KATNBL1: variants seen among roughly 807,000 people sequenced by gnomAD.
KATNBL1 encodes KATNB1-like protein 1.
In KATNBL1, 28 loss-of-function variants were observed where a neutral mutation model predicts 44.7. That is an observed-to-expected ratio of 0.63 (90% CI 0.46 to 0.86). The LOEUF (loss-of-function observed/expected upper bound fraction) is 0.86, where lower values mean the gene tolerates loss of function less well. Ranked by LOEUF, KATNBL1 falls within the 40% of genes least tolerant of loss-of-function variation. The probability of loss-of-function intolerance (pLI) is 0.00; values close to 1 mark genes in which losing one functional copy is unlikely to be tolerated. For synonymous variants in KATNBL1, 78 were observed against 114.9 expected (o/e 0.68, Z 2.06); for missense variants, 272 against 350.7 (o/e 0.78, Z 1.79).
At chr15:34,169,328 T>C (rs962444514) in intron 1 of KATNBL1, among the ~76,000 whole-genome samples, 3 of 152,136 alleles carry the variant, frequency 2.0e-5, no homozygotes, top group African/African-American at 7.2e-5. Flanking sequence ...GTAAATAAAC[T>C]AGAAAATCTA....
At position 34,152,957 on chromosome 15, in the gene KATNBL1, C is replaced by T. The variant is rs754168372; in HGVS notation, c.271G>A (p.Gly91Arg). 6 of 1,613,990 alleles carry T rather than the reference C, an allele frequency of 3.7e-6. No homozygotes were observed. Among genetic ancestry groups the T allele is most frequent in the African/African-American group, 2.7e-5 (2 of 74,930 alleles). Residue 91 changes from glycine (G) to arginine (R), a missense_variant, in exon 4 of 10, where the codon GGA becomes AGA. Gly to Arg is a moderately radical substitution (Grantham distance 125, BLOSUM62 -2). Around this residue, in one of 3 missense-constraint regions of KATNBL1, gnomAD observed 122 missense variants for 125.0 expected, o/e 0.98. Coordinates refer to ENST00000256544, the MANE Select transcript of KATNBL1 (RefSeq NM_024713.3). ...TTTGCCATGTCACAGCCCCCACTTC[C>T]AGGGGACTGTTTTTTTCTGTAACAA... ...NPCYRKKQSP[G>R]SGGCDMANKE...
In KATNBL1 at chr15:34,187,713, T is replaced by C. The variant is rs571552490; in HGVS notation, c.-15+22238A>G. Among the ~76,000 whole-genome samples, 7 of 152,284 alleles carry C rather than the reference T, an allele frequency of 4.6e-5. No homozygotes were observed. In the South Asian group the frequency reaches 1.5e-3, roughly 32 times the overall value. ...ATAGCCTCTCCTAAAATGGTTTTGT[T>C]GGAACCTATCATAAGGCCATTTCAG... On this transcript the variant is annotated intron_variant, in intron 1 of 9. Coordinates refer to ENST00000256544, the MANE Select transcript of KATNBL1 (RefSeq NM_024713.3).
intron 1 of KATNBL1, among the ~76,000 whole-genome samples, chr15:34,192,400 T>A (rs1345838040): frequency 1.7e-4 from 19 of 114,312 alleles, no homozygotes; most frequent in Non-Finnish European, 2.9e-4. Flanking sequence ...TGAGACTCCA[T>A]CTCAAAAAAA....
chr15:34,162,291 A>G (rs1888830343), intron 2 of KATNBL1, among the ~76,000 whole-genome samples: 1 of 152,158 alleles, frequency 6.6e-6, no homozygotes. Flanking sequence ...GTGGTAGTGA[A>G]TAAGTCTCAC....
chr15:34,172,253 A>ATTTT (rs1260376752), intron 1 of KATNBL1, among the ~76,000 whole-genome samples: 1 of 46,860 alleles, frequency 2.1e-5, no homozygotes, highest in Non-Finnish European at 4.6e-5. Context: ...GGAGGAACAT[A>ATTTT]TTCTTTTTTT....
At chr15:34,194,286 T>G (rs959927382) in intron 1 of KATNBL1, among the ~76,000 whole-genome samples, 2 of 152,064 alleles carry the variant, frequency 1.3e-5, no homozygotes, top group African/African-American at 4.8e-5. Flanking sequence ...TATTATATTT[T>G]CCTACATGTT....
At chr15:34,203,026 T>C (rs115206250) in intron 1 of KATNBL1, among the ~76,000 whole-genome samples, 108 of 152,188 alleles carry the variant, frequency 7.1e-4, no homozygotes, top group African/African-American at 2.5e-3. Context: ...TCTCTCATCA[T>C]ACTGTTTCAC....
At position 34,146,790 on chromosome 15, in the gene KATNBL1, T is replaced by C. The variant is rs922099638; in HGVS notation, c.759A>G (p.Leu253=). Residue 253 remains leucine (L), a synonymous_variant, in exon 8 of 10, where the codon CTA becomes CTG. Transcript: ENST00000256544. The part of the protein sequence containing the change: ...QAVIKRWWSE[L]SSKTEIINDG... ...CATTTATAATTTCTGTTTTGGATGATAGTTCTGACCACCACCTTTTAATGA... is the reference window on the plus strand; with the variant it reads ...CATTTATAATTTCTGTTTTGGATGACAGTTCTGACCACCACCTTTTAATGA... 4.4e-6 allele frequency: 7 copies of C among 1,605,548 alleles called. No homozygotes were observed. The highest frequency in any genetic ancestry group is 3.3e-5 in the South Asian group (3 of 90,890).
chr15:34,178,578 A>G (rs1889410481), intron 1 of KATNBL1, among the ~76,000 whole-genome samples: 1 of 152,130 alleles, frequency 6.6e-6, no homozygotes, highest in South Asian at 2.1e-4. Flanking sequence ...TAACCCGGTG[A>G]AACCCTGTCT....
chr15:34,143,042 C>CA, intron 9 of KATNBL1: 1 of 1,256,804 alleles, frequency 8.0e-7, no homozygotes, highest in Non-Finnish European at 1.0e-6. Context: ...CAAAAAATTA[C>CA]AAATTAATTG....
At chr15:34,154,778 C>G (rs1888587063) in intron 2 of KATNBL1, 94 bp from the exon 3 acceptor site, 1 of 824,140 alleles carries the variant, frequency 1.2e-6, no homozygotes, top group African/African-American at 1.7e-5. Flanking sequence ...CTCAGCAAGG[C>G]AATTTACTTC....
intron 1 of KATNBL1, among the ~76,000 whole-genome samples, chr15:34,206,685 G>A (rs1890300425): frequency 6.6e-6 from 1 of 152,054 alleles, no homozygotes; most frequent in Non-Finnish European, 1.5e-5. Flanking sequence ...CAGCTACTCA[G>A]GAGGCTGAGG....
intron 1 of KATNBL1, among the ~76,000 whole-genome samples, chr15:34,208,296 C>A (rs1012380173): frequency 6.6e-6 from 1 of 152,130 alleles, no homozygotes; most frequent in Non-Finnish European, 1.5e-5. Flanking sequence ...GTCATTCTTG[C>A]GGCACATTTC....
At chr15:34,199,888 C>G (rs9672434) in intron 1 of KATNBL1, 23,431 of 152,084 alleles carry the variant, frequency 0.15, 1,953 homozygotes, top group African/African-American at 0.21. Context: ...TGACCCGAGC[C>G]GGTTGCCACT....
intron 1 of KATNBL1, among the ~76,000 whole-genome samples, chr15:34,165,721 G>C (rs1888948538): frequency 6.6e-6 from 1 of 152,176 alleles, no homozygotes; most frequent in Non-Finnish European, 1.5e-5. Flanking sequence ...TTGAACCCGG[G>C]AGGCTGAGGT....
At chr15:34,188,561 G>C (rs957991376) in intron 1 of KATNBL1, among the ~76,000 whole-genome samples, 9 of 151,966 alleles carry the variant, frequency 5.9e-5, no homozygotes, top group Admixed American at 5.9e-4. Flanking sequence ...GTCTCAAAAA[G>C]GGGGAAGAAA....
chr15:34,200,824 G>GTT (rs1191127291), intron 1 of KATNBL1, among the ~76,000 whole-genome samples: 1 of 151,582 alleles, frequency 6.6e-6, no homozygotes, highest in African/African-American at 2.4e-5. Flanking sequence ...GTTTTGTTTT[G>GTT]TTTTGTTTTT....
chr15:34,201,401 CA>C (rs1456204072), intron 1 of KATNBL1, among the ~76,000 whole-genome samples: 2 of 152,116 alleles, frequency 1.3e-5, no homozygotes. Context: ...AAACTGGGGA[CA>C]AAAGTCACTT....
chr15:34,171,628 C>T (rs998917474), intron 1 of KATNBL1, among the ~76,000 whole-genome samples: 2 of 152,192 alleles, frequency 1.3e-5, no homozygotes, highest in Admixed American at 6.5e-5. Flanking sequence ...TATAAAGACA[C>T]ATGAACATGT....
Sources: gnomAD v4.1 joint callset for allele counts (sites outside exome capture counted in the v4.1 genomes callset) on GRCh38, gnomAD v4.1.1 for gene constraint, gnomAD v4.1.1 regional missense constraint, MANE v1.5 for transcripts, NCBI Gene and HGNC (gene_info 2026-07-23, HGNC 2026-07-21) for gene names.